Variants in DNMBP observed in about 807,000 individuals in gnomAD.
The protein encoded by DNMBP is dynamin-binding protein.
Under a neutral mutation model 150.0 loss-of-function variants are expected in DNMBP, and 87 were observed. The observed-to-expected ratio is 0.58, with a 90% CI of 0.49 to 0.69. The LOEUF (loss-of-function observed/expected upper bound fraction) is 0.69, where lower values mean the gene tolerates loss of function less well. Ranked by LOEUF, DNMBP falls within the 30% of genes least tolerant of loss-of-function variation. The probability of loss-of-function intolerance (pLI) is 0.00; values close to 1 mark genes in which losing one functional copy is unlikely to be tolerated. For synonymous variants in DNMBP, 711 were observed against 750.4 expected (o/e 0.95, Z 0.86); for missense variants, 1,774 against 1,949.0 (o/e 0.91, Z 1.69).
Position 99,886,596 on chromosome 10 carries a change from T to C in DNMBP, c.3322A>G (p.Asn1108Asp). The part of the protein sequence containing the change: ...RTERLVISPL[N>D]QLLSMFTGPH... ...CCTGTAAACATGCTCAGTAACTGATTTAAGGGGGAGATGACAAGCCGCTCT... is the reference window on the plus strand; with the variant it reads ...CCTGTAAACATGCTCAGTAACTGATCTAAGGGGGAGATGACAAGCCGCTCT... Residue 1108 changes from asparagine to aspartate, a missense_variant, in exon 13 of 17, where the codon AAT (asparagine) becomes GAT (aspartate). Asn to Asp is a conservative substitution (Grantham distance 23). Transcript: ENST00000324109. The C allele has an allele frequency of 6.2e-7, 1 of 1,614,012 alleles. No homozygotes were observed. The highest frequency in any genetic ancestry group is 1.1e-5 in the South Asian group (1 of 91,082).
intron 1 of DNMBP, among the ~76,000 whole-genome samples, chr10:99,975,152 G>T (rs966361880): frequency 2.6e-5 from 4 of 152,250 alleles, no homozygotes; most frequent in African/African-American, 9.6e-5. Context: ...CTGAGGTCAG[G>T]GAGCTCGAGA....
intron 1 of DNMBP, among the ~76,000 whole-genome samples, chr10:100,002,629 G>A (rs1007055686): frequency 2.0e-5 from 3 of 152,054 alleles, no homozygotes; most frequent in African/African-American, 7.2e-5. Flanking sequence ...GGAGGAAAAA[G>A]CTGACCTAAT....
intron 6 of DNMBP, among the ~76,000 whole-genome samples, chr10:99,901,619 T>TGC (rs1006874257): frequency 6.6e-6 from 1 of 152,152 alleles, no homozygotes; most frequent in Non-Finnish European, 1.5e-5. Flanking sequence ...GGCCTGAACG[T>TGC]GCGGGTCCCT....
intron 9 of DNMBP, 80 bp downstream of exon 9, chr10:99,898,006 T>C: frequency 7.9e-7 from 1 of 1,273,684 alleles, no homozygotes; most frequent in Non-Finnish European, 1.1e-6. Flanking sequence ...TGTCCAACTC[T>C]AGCGAAGTAA....
chr10:99,911,214 C>A (rs1270348349), intron 4 of DNMBP, among the ~76,000 whole-genome samples: 1 of 151,702 alleles, frequency 6.6e-6, no homozygotes, highest in African/African-American at 2.4e-5. Context: ...GCACTCCAGC[C>A]TGAGTAAAAA....
chr10:99,972,187 A>G lies in DNMBP; in HGVS notation c.-10-53T>C. The G allele has an allele frequency of 3.5e-6, 5 of 1,443,132 alleles. No individual in the cohort carries two copies. In the South Asian group the frequency reaches 6.6e-5, roughly 19 times the overall value. 89.4% of individuals were successfully genotyped at this position (1,443,132 alleles called of 1,614,324 possible). ...AAACATCAATATTTAAGACACTGCA[A>G]TATAGATCTATTTCTTGGAATGATA... On this transcript the variant is annotated intron_variant, in intron 1 of 16. Coordinates refer to ENST00000324109, the MANE Select transcript of DNMBP (RefSeq NM_015221.4).
At chr10:99,897,148 G>C (rs1253858115) in intron 9 of DNMBP, among the ~76,000 whole-genome samples, 2 of 152,170 alleles carry the variant, frequency 1.3e-5, no homozygotes, top group Admixed American at 6.5e-5. Flanking sequence ...ATTATATCTT[G>C]ATATGAATAA....
intron 4 of DNMBP, among the ~76,000 whole-genome samples, chr10:99,947,422 C>A (rs1284961901): frequency 6.6e-6 from 1 of 152,148 alleles, no homozygotes; most frequent in Non-Finnish European, 1.5e-5. Flanking sequence ...AACATGGATG[C>A]AGCTGGAGGC....
chr10:100,002,167 A>C (rs1219761689), intron 1 of DNMBP, among the ~76,000 whole-genome samples: 1 of 152,090 alleles, frequency 6.6e-6, no homozygotes, highest in African/African-American at 2.4e-5. Context: ...ATGCTCCCCC[A>C]CCCCAATAAA....
chr10:99,897,074 G>C lies in DNMBP; in HGVS notation c.2921-677C>G, dbSNP rs966505016. Among the ~76,000 whole-genome samples, 3 of 152,340 alleles carry C rather than the reference G, an allele frequency of 2.0e-5. No individual in the cohort carries two copies. The East Asian group carries it at 5.8e-4, about 29-fold the overall frequency. On this transcript the variant is annotated intron_variant, in intron 9 of 16. Coordinates refer to ENST00000324109, the MANE Select transcript of DNMBP (RefSeq NM_015221.4). ...GGTGACACAGTTGAAGTAGAAGGCA[G>C]AGAAATGATTTTAGATAACTTTAAA...
In DNMBP at chr10:99,900,817, G is replaced by C. The variant is rs12262266; in HGVS notation, c.2555-751C>G. Among the ~76,000 whole-genome samples, 507 of 152,284 alleles carry C rather than the reference G, an allele frequency of 3.3e-3. 3 individuals are homozygous for C. Among genetic ancestry groups the C allele is most frequent in the African/African-American group, 0.011 (474 of 41,564 alleles). ...AGCTAATTTTTGTATTTTTAGTAGA[G>C]ACGGAGTTCTTCTACAGCAGCAGTT... is the stretch of plus-strand genomic sequence containing the variant. On this transcript the variant is annotated intron_variant, in intron 6 of 16. Transcript: ENST00000324109.
At chr10:99,893,563 G>A (rs1013078844) in intron 11 of DNMBP, among the ~76,000 whole-genome samples, 2 of 152,190 alleles carry the variant, frequency 1.3e-5, no homozygotes, top group Admixed American at 1.3e-4. Flanking sequence ...ATGACACCCC[G>A]TCTCTATTAA....
chr10:99,915,232 C>CACAT (rs1461268290), intron 4 of DNMBP, among the ~76,000 whole-genome samples: 2 of 149,578 alleles, frequency 1.3e-5, no homozygotes, highest in African/African-American at 4.9e-5. Context: ...CACACACACA[C>CACAT]ACGCATATAT....
intron 4 of DNMBP, among the ~76,000 whole-genome samples, chr10:99,941,471 T>A (rs987907292): frequency 9.9e-5 from 14 of 141,500 alleles, no homozygotes; most frequent in African/African-American, 3.5e-4. Context: ...CTCTTCTCAA[T>A]TTTTTTTTTT....
chr10:99,938,673 G>A (rs1442284435), intron 4 of DNMBP, among the ~76,000 whole-genome samples: 1 of 152,226 alleles, frequency 6.6e-6, no homozygotes, highest in Non-Finnish European at 1.5e-5. Context: ...TTTGCATAAA[G>A]AGGTAAACTC....
intron 6 of DNMBP, among the ~76,000 whole-genome samples, chr10:99,900,310 G>T (rs373670667): frequency 1.3e-5 from 2 of 152,032 alleles, no homozygotes; most frequent in Non-Finnish European, 2.9e-5. Context: ...TTGAGACAGG[G>T]TCTCTGTCAC....
chr10:99,985,916 A>G (rs2040822492), intron 1 of DNMBP, among the ~76,000 whole-genome samples: 1 of 151,934 alleles, frequency 6.6e-6, no homozygotes, highest in African/African-American at 2.4e-5. Context: ...ATGCCTGGCT[A>G]ATTTTTTATA....
At chr10:99,952,260 G>A (rs979587231) in intron 4 of DNMBP, among the ~76,000 whole-genome samples, 20 of 152,270 alleles carry the variant, frequency 1.3e-4, no homozygotes, top group Admixed American at 3.9e-4. Flanking sequence ...TTCATCAGCA[G>A]TGTGAAAATG....
intron 4 of DNMBP, among the ~76,000 whole-genome samples, chr10:99,928,520 G>T (rs1564735052): frequency 6.6e-6 from 1 of 152,162 alleles, no homozygotes; most frequent in Non-Finnish European, 1.5e-5. Context: ...GTTTAACAGA[G>T]AGTTCAGTAA....
Sources: allele counts gnomAD v4.1 joint callset (sites outside exome capture counted in the v4.1 genomes callset), GRCh38; gene constraint gnomAD v4.1.1; transcripts MANE v1.5; gene names NCBI Gene and HGNC (gene_info 2026-07-23, HGNC 2026-07-21).